SUMF1: variants seen among roughly 807,000 people sequenced by gnomAD.
SUMF1 encodes the protein formylglycine-generating enzyme.
SUMF1 carries 48 observed loss-of-function variants against 47.6 expected under a neutral mutation model. The observed-to-expected ratio is 1.01, with a 90% CI of 0.80 to 1.28. The LOEUF (loss-of-function observed/expected upper bound fraction) is 1.28. Among genes scored for constraint, SUMF1 ranks in the 50% most tolerant of loss-of-function variants. The probability of loss-of-function intolerance (pLI) is 0.00; values close to 1 mark genes in which losing one functional copy is unlikely to be tolerated. For synonymous variants in SUMF1, 230 were observed against 192.1 expected, an observed-to-expected ratio of 1.20 and a Z score of -1.63; for missense variants, 571 against 485.4, an observed-to-expected ratio of 1.18 and a Z score of -1.66.
chr3:4,301,668 C>T (rs113253696), intron 8 of SUMF1, among the ~76,000 whole-genome samples: 170 of 152,302 alleles, frequency 1.1e-3, no homozygotes, highest in African/African-American at 3.7e-3. Context: ...TACAGAGTAA[C>T]TGGTTTGTTG....
At position 4,203,057 on chromosome 3, in the gene SUMF1, C is replaced by T. The variant is rs1278710691; in HGVS notation, c.1015-134312G>A. Among the ~76,000 whole-genome samples the T allele has an allele frequency of 4.0e-5, 6 of 151,894 alleles. 1 individual carries two copies. The East Asian group carries it at 1.2e-3, about 30-fold the overall frequency. The stretch of plus-strand genomic sequence containing the variant: ...AGAAAAATGTACTGAGAAGCAGCAG[C>T]CACCATTGGATGAAATGTTCTGTAA... On this transcript the variant is annotated intron_variant and NMD_transcript_variant, in intron 8 of 12. Coordinates refer to the SUMF1 transcript ENST00000448413.
intron 7 of SUMF1, among the ~76,000 whole-genome samples, chr3:4,408,584 T>C (rs1241724610): frequency 1.3e-5 from 2 of 152,144 alleles, no homozygotes; most frequent in Non-Finnish European, 2.9e-5. Context: ...TCCCAGCACT[T>C]TAGGAGGCCA....
At chr3:4,331,315 A>T (rs1699047688) in intron 8 of SUMF1, among the ~76,000 whole-genome samples, 1 of 152,012 alleles carries the variant, frequency 6.6e-6, no homozygotes, top group South Asian at 2.1e-4. Context: ...TTAAACCAAA[A>T]ACATGTCCTA....
intron 8 of SUMF1, among the ~76,000 whole-genome samples, chr3:4,190,311 G>A (rs888072293): frequency 1.3e-5 from 2 of 152,024 alleles, no homozygotes; most frequent in African/African-American, 4.8e-5. Context: ...CACAGGGGAA[G>A]TAAGAACTGT....
intron 8 of SUMF1, among the ~76,000 whole-genome samples, chr3:4,196,247 A>G (rs531617675): frequency 1.3e-5 from 2 of 152,126 alleles, no homozygotes; most frequent in Non-Finnish European, 2.9e-5. Flanking sequence ...AACTCCAATC[A>G]TAAGGTCCCA....
chr3:4,226,078 G>T (rs1696164910), intron 8 of SUMF1, among the ~76,000 whole-genome samples: 1 of 151,770 alleles, frequency 6.6e-6, no homozygotes, highest in Non-Finnish European at 1.5e-5. Context: ...GAAACTTCTG[G>T]CCCACTCCAA....
chr3:4,122,806 G>C (rs551328959), intron 8 of SUMF1, among the ~76,000 whole-genome samples: 2 of 152,274 alleles, frequency 1.3e-5, no homozygotes, highest in South Asian at 2.1e-4. Flanking sequence ...AAGCAGAGGA[G>C]TGTATTGGAA....
chr3:4,077,607 G>A (rs891596785), intron 8 of SUMF1, among the ~76,000 whole-genome samples: 1 of 152,026 alleles, frequency 6.6e-6, no homozygotes, highest in African/African-American at 2.4e-5. Context: ...GTTCAACAAT[G>A]AGAGCACATG....
rs190832739 is a variant in SUMF1 at position 4,160,658 on chromosome 3, G to C, written c.1015-91913C>G. ...TTGCATTTTCAACTCCAAAATTTCT[G>C]CTTGATTCTTTTTCACTATTTCCAT... On this transcript the variant is annotated intron_variant and NMD_transcript_variant, in intron 8 of 12. Coordinates refer to the SUMF1 transcript ENST00000448413. 1.2e-3 allele frequency among the ~76,000 whole-genome samples: 186 copies of C among 151,936 alleles called. 1 individual carries two copies. Among genetic ancestry groups the C allele is most frequent in the African/African-American group, 4.3e-3 (178 of 41,450 alleles).
Position 4,449,358 on chromosome 3 carries a change from A to C in SUMF1, c.445-18T>G. On this transcript the variant is annotated intron_variant, in intron 2 of 8. Coordinates refer to ENST00000272902, the MANE Select transcript of SUMF1 (RefSeq NM_182760.4). The stretch of plus-strand genomic sequence containing the variant: ...TTCTCAGCCTATAAGGAAGGTAGGA[A>C]ATAAAAATCCAGAAAAGGTTGTAGT... 1 of 1,613,844 alleles carries C rather than the reference A, an allele frequency of 6.2e-7. No homozygotes were observed. The highest frequency in any genetic ancestry group is 8.5e-7 in the Non-Finnish European group (1 of 1,179,732).
intron 8 of SUMF1, among the ~76,000 whole-genome samples, chr3:4,181,223 C>G (rs1695089266): frequency 6.6e-6 from 1 of 152,122 alleles, no homozygotes; most frequent in Non-Finnish European, 1.5e-5. Flanking sequence ...TTCCTTCGCT[C>G]TGTTGTCAGT....
At position 4,361,856 on chromosome 3, in the gene SUMF1, G is replaced by C. The variant is rs762610470; in HGVS notation, c.*288C>G. ...CTGTGGCAGAGCCTGCGTAGGACGC[G>C]GGCCTCCTGAAGCCTAGCTCAGGGT... On this transcript the variant is annotated 3_prime_UTR_variant, in exon 9 of 9. Coordinates refer to ENST00000272902, the MANE Select transcript of SUMF1 (RefSeq NM_182760.4). 2.4e-6 allele frequency: 1 copy of C among 415,386 alleles called. No individual in the cohort carries two copies. Among genetic ancestry groups the C allele is most frequent in the Non-Finnish European group, 4.5e-6 (1 of 220,646 alleles). The allele number at this position is 415,386 out of a possible 1,614,324, so 25.7% of individuals were successfully genotyped here.
chr3:4,155,449 C>T (rs370787398), intron 8 of SUMF1, among the ~76,000 whole-genome samples: 66 of 151,566 alleles, frequency 4.4e-4, no homozygotes, highest in Admixed American at 1.5e-3. Context: ...ATGTCAAACA[C>T]GGACGTAGGA....
intron 2 of SUMF1, among the ~76,000 whole-genome samples, chr3:4,451,672 A>G (rs1702973522): frequency 6.6e-6 from 1 of 152,184 alleles, no homozygotes; most frequent in Non-Finnish European, 1.5e-5. Flanking sequence ...CTTATTACGA[A>G]TGTGTACAAA....
chr3:4,259,754 A>C (rs1007351828), intron 8 of SUMF1, among the ~76,000 whole-genome samples: 2 of 152,222 alleles, frequency 1.3e-5, no homozygotes, highest in Non-Finnish European at 2.9e-5. Flanking sequence ...TTTTTAAAAT[A>C]AATATATTAC....
At chr3:4,283,095 T>C (rs1323002229) in intron 8 of SUMF1, among the ~76,000 whole-genome samples, 2 of 152,160 alleles carry the variant, frequency 1.3e-5, no homozygotes, top group Admixed American at 6.5e-5. Context: ...TGCCTCTCCC[T>C]TGAGGATCTT....
chr3:4,440,889 C>T (rs549328085), intron 3 of SUMF1, among the ~76,000 whole-genome samples: 19 of 152,336 alleles, frequency 1.2e-4, no homozygotes, highest in Admixed American at 2.6e-4. Context: ...ATGGCTATCC[C>T]TTGTGTCAAA....
chr3:4,272,401 C>A (rs1014850106), intron 8 of SUMF1, among the ~76,000 whole-genome samples: 15 of 152,180 alleles, frequency 9.9e-5, no homozygotes, highest in African/African-American at 3.4e-4. Flanking sequence ...GACAAGAAGA[C>A]TAGGCCTTCA....
chr3:4,221,880 A>G (rs1696072171), intron 8 of SUMF1, among the ~76,000 whole-genome samples: 1 of 152,104 alleles, frequency 6.6e-6, no homozygotes, highest in Non-Finnish European at 1.5e-5. Flanking sequence ...GTTAATAGTA[A>G]TAATTGCTGG....
Sources: gnomAD v4.1 joint callset for allele counts (sites outside exome capture counted in the v4.1 genomes callset) on GRCh38, gnomAD v4.1.1 for gene constraint, MANE v1.5 for transcripts, NCBI Gene and HGNC (gene_info 2026-07-23, HGNC 2026-07-21) for gene names.